The following DNAH1 variants were observed in gnomAD, a reference collection of about 807,000 sequenced individuals.
DNAH1 encodes axonemal beta dynein heavy chain 1.
A neutral mutation model predicts 484.3 loss-of-function variants in DNAH1; 327 were observed. That is an observed-to-expected ratio of 0.68 (90% CI 0.62 to 0.74). The LOEUF (loss-of-function observed/expected upper bound fraction) is 0.74. DNAH1 is among the 30% of genes least tolerant of loss of function. DNAH1 has a pLI of 0.00. For synonymous variants in DNAH1, 2,192 were observed against 2,191.9 expected (o/e 1.00, Z 0.00); for missense variants, 5,052 against 5,546.8 (o/e 0.91, Z 2.83).
intron 6 of DNAH1, 119 bp from the exon 7 acceptor site, chr3:52,331,029 G>T (rs563080000): frequency 3.9e-6 from 5 of 1,280,204 alleles, no homozygotes; most frequent in Non-Finnish European, 5.3e-6. Context: ...GCATCCCAGC[G>T]GGAGAGACGC....
In DNAH1 at chr3:52,392,598, ACC is replaced by A; in HGVS notation, c.10188_10189del (p.Tyr3396Ter). ...AAGGACATTGAGGACCAGATCCTGT[ACC>A]GGCTCAGCTCCTCCGAGGGCAACCC... On this transcript the variant is annotated stop_gained and frameshift_variant, in exon 64 of 78. Coordinates refer to ENST00000420323, the MANE Select transcript of DNAH1 (RefSeq NM_015512.5). LOFTEE classifies it high-confidence loss of function. 6.2e-7 allele frequency: 1 copy of A among 1,613,930 alleles called. No homozygotes were observed. The highest frequency in any genetic ancestry group is 8.5e-7 in the Non-Finnish European group (1 of 1,179,860).
Position 52,361,391 on chromosome 3 carries a change from A to G in DNAH1, c.4874+39A>G, listed in dbSNP as rs1252703749. On this transcript the variant is annotated intron_variant, in intron 29 of 77. Transcript: ENST00000420323. This position sits in a 1 kb window ranked among gnomAD's most constrained non-coding sequence, Gnocchi z 5.6. Reference sequence around the variant, plus strand: ...TGAGCGTGGCACAGGATGGGGTGGGACAGCCTAGCTCTCCTTGGGGAGGGC... The same window carrying G: ...TGAGCGTGGCACAGGATGGGGTGGGGCAGCCTAGCTCTCCTTGGGGAGGGC... The G allele has an allele frequency of 6.6e-7, 1 of 1,515,528 alleles. No homozygotes were observed. The allele number at this position is 1,515,528 out of a possible 1,614,324, so 93.9% of individuals were successfully genotyped here. A position where few individuals can be genotyped will look rare whatever the true frequency, so the allele number is the denominator to read the frequency against.
At chr3:52,326,408 C>A in intron 4 of DNAH1, 94 bp downstream of exon 4, 2 of 1,409,988 alleles carry the variant, frequency 1.4e-6, no homozygotes, top group Non-Finnish European at 1.9e-6. Context: ...TGATAATCCT[C>A]ATGGCAGAGC....
At chr3:52,387,365 G>A (rs928543669) in intron 56 of DNAH1, among the ~76,000 whole-genome samples, 4 of 152,204 alleles carry the variant, frequency 2.6e-5, no homozygotes, top group East Asian at 1.9e-4. Context: ...GTGGTCTCTC[G>A]GGGGCTGTGC....
chr3:52,393,353 C>T lies in DNAH1; in HGVS notation c.10494C>T (p.Ile3498=), dbSNP rs2153225645. ...CCACAGACAACCTGAAGAAGCGCAT[C>T]TCCAACATCAACCGCTACCTGACCT... ...SERADNLKKR[I]SNINRYLTYS... is the part of the protein sequence containing the mutation. Residue 3498 remains isoleucine, a synonymous_variant, in exon 66 of 78, where the codon ATC becomes ATT. Transcript: ENST00000420323. 2 of 1,614,026 alleles carry T rather than the reference C, an allele frequency of 1.2e-6. No homozygotes were observed. Among genetic ancestry groups the T allele is most frequent in the South Asian group, 2.2e-5 (2 of 91,082 alleles).
rs780928339 is a variant in DNAH1 at position 52,368,949 on chromosome 3, C to T, written c.5943+31C>T. The T allele has an allele frequency of 7.5e-6, 12 of 1,604,282 alleles. No individual in the cohort carries two copies. The highest frequency in any genetic ancestry group is 4.3e-6 in the Non-Finnish European group (5 of 1,172,138). Reference sequence around the variant, plus strand: ...CCTACCTGTCCACCTGCCCACTCTCCTCCAAGGCTGGGTGGGCCTGGAGGC... The same window carrying T: ...CCTACCTGTCCACCTGCCCACTCTCTTCCAAGGCTGGGTGGGCCTGGAGGC... On this transcript the variant is annotated intron_variant, in intron 37 of 77. Coordinates refer to ENST00000420323, the MANE Select transcript of DNAH1 (RefSeq NM_015512.5). This position sits in a 1 kb window ranked among gnomAD's most constrained non-coding sequence, Gnocchi z 4.4.
At chr3:52,338,529 C>T (rs890808019) in intron 8 of DNAH1, among the ~76,000 whole-genome samples, 5 of 152,264 alleles carry the variant, frequency 3.3e-5, no homozygotes, top group Admixed American at 3.3e-4. Flanking sequence ...TGAAGTCTCC[C>T]GTCATCTCTT....
chr3:52,348,470 A>ACTGCACACACACCCAG (rs1702234493), intron 12 of DNAH1, among the ~76,000 whole-genome samples: 1 of 152,154 alleles, frequency 6.6e-6, no homozygotes, highest in Non-Finnish European at 1.5e-5. Context: ...AGTCACTGCC[A>ACTGCACACACACCCAG]CTGCACACAC....
At chr3:52,321,511 C>G (rs1217473467) in intron 1 of DNAH1, 1 of 152,192 alleles carries the variant, frequency 6.6e-6, no homozygotes, top group Non-Finnish European at 1.5e-5. Flanking sequence ...TCACCATACC[C>G]TTGTCCAATT....
Position 52,364,523 on chromosome 3 carries a change from G to A in DNAH1, c.5245-115G>A. The A allele has an allele frequency of 8.4e-7, 1 of 1,190,440 alleles. No homozygotes were observed. Among genetic ancestry groups the A allele is most frequent in the South Asian group, 1.3e-5 (1 of 79,570 alleles). The allele number at this position is 1,190,440 out of a possible 1,614,324, so 73.7% of individuals were successfully genotyped here. Reference sequence around the variant, plus strand: ...TGGTCCCAGCAGGTCTGCAAGGGAAGTGCTATGAGCTGGTGATGAGACTTG... The same window carrying A: ...TGGTCCCAGCAGGTCTGCAAGGGAAATGCTATGAGCTGGTGATGAGACTTG... On this transcript the variant is annotated intron_variant, in intron 32 of 77. Coordinates refer to ENST00000420323, the MANE Select transcript of DNAH1 (RefSeq NM_015512.5). The surrounding 1 kb of genome is among the most constrained non-coding windows in gnomAD (Gnocchi z 4.2).
chr3:52,386,903 C>T (rs1287902755), intron 56 of DNAH1, 50 bp downstream of exon 56: 1 of 1,480,572 alleles, frequency 6.8e-7, no homozygotes, highest in East Asian at 2.5e-5. Flanking sequence ...ACAAGGCCCG[C>T]CCGGCAGGAC....
At chr3:52,332,654 C>T (rs1240990231) in intron 8 of DNAH1, among the ~76,000 whole-genome samples, 1 of 152,144 alleles carries the variant, frequency 6.6e-6, no homozygotes, top group Non-Finnish European at 1.5e-5. Context: ...TTTTGATGCT[C>T]AAATTGTCCT....
intron 73 of DNAH1, 56 bp downstream of exon 73, chr3:52,397,100 G>T: frequency 6.7e-7 from 1 of 1,493,932 alleles, no homozygotes; most frequent in Non-Finnish European, 9.0e-7. Flanking sequence ...GGGTTCTGGG[G>T]TACCATGAGC....
intron 53 of DNAH1, 81 bp from the exon 54 acceptor site, chr3:52,385,256 A>G: frequency 7.1e-7 from 1 of 1,399,554 alleles, no homozygotes; most frequent in Non-Finnish European, 9.9e-7. Context: ...CTTCTCTCTC[A>G]TGAATGAGGG....
chr3:52,369,551 C>G (rs1451929276), intron 37 of DNAH1, among the ~76,000 whole-genome samples: 1 of 152,164 alleles, frequency 6.6e-6, no homozygotes, highest in East Asian at 1.9e-4. Flanking sequence ...CAGATGTGCC[C>G]AGGCCTCCAG....
At position 52,352,616 on chromosome 3, in the gene DNAH1, T is replaced by G. The variant is rs909539360; in HGVS notation, c.2936T>G (p.Val979Gly). 5.6e-6 allele frequency: 9 copies of G among 1,608,170 alleles called. No individual in the cohort carries two copies. The highest frequency in any genetic ancestry group is 7.6e-6 in the Non-Finnish European group (9 of 1,178,452). ...CGTGCACACGAGATCGCCAACGAGG[T>G]GCGGCGTGTCAAGAAGCAGCTGAAG... ...ISRAHEIANE[V>G]RRVKKQLKDC... Residue 979 changes from valine (V) to glycine (G), a missense_variant, in exon 18 of 78, where the codon GTG becomes GGG. Val to Gly is a moderately radical substitution (Grantham distance 109). This residue lies in a region of DNAH1 where 2,929 missense variants were observed against 3,409.4 expected (regional missense o/e 0.86). Transcript: ENST00000420323.
chr3:52,398,235 T>C, intron 75 of DNAH1, 73 bp downstream of exon 75: 2 of 1,512,946 alleles, frequency 1.3e-6, no homozygotes, highest in Non-Finnish European at 1.8e-6. Context: ...CAGGGGTTAC[T>C]ATGGGCCAGG....
At position 52,366,787 on chromosome 3, in the gene DNAH1, A is replaced by C; in HGVS notation, c.5665A>C (p.Ser1889Arg). 1 of 1,613,774 alleles carries C rather than the reference A, an allele frequency of 6.2e-7. No individual in the cohort carries two copies. Among genetic ancestry groups the C allele is most frequent in the African/African-American group, 1.3e-5 (1 of 74,986 alleles). The change falls in exon 36 of 78, where the codon AGT (serine) becomes CGT (arginine). Residue 1889 changes from serine to arginine, a missense_variant. By Grantham distance (110) the Ser-to-Arg change is moderately radical. Transcript: ENST00000420323. ...MTSLKGQPSI[S>R]GGMYEAVNYY... ...GTCACTGAAAGGGCAGCCATCCATC[A>C]GTGGTGGCATGTACGAGGCTGTCAA...
chr3:52,371,749 G>C (rs866550064), intron 41 of DNAH1, among the ~76,000 whole-genome samples, 197 bp from the exon 42 acceptor site: 18 of 152,218 alleles, frequency 1.2e-4, no homozygotes, highest in Admixed American at 3.3e-4. Context: ...GGCTGTTTGT[G>C]CTGGGAGTCC....
Sources: allele counts gnomAD v4.1 joint callset (sites outside exome capture counted in the v4.1 genomes callset), GRCh38; gene constraint gnomAD v4.1.1; regional missense constraint gnomAD v4.1.1; non-coding constraint Gnocchi (gnomAD v3.1); transcripts MANE v1.5; gene names NCBI Gene and HGNC (gene_info 2026-07-23, HGNC 2026-07-21).